RBPJ: variants seen among roughly 807,000 people sequenced by gnomAD.
RBPJ encodes recombining binding protein suppressor of hairless.
In RBPJ, 9 loss-of-function variants were observed where a neutral mutation model predicts 67.8. The ratio of observed to expected loss-of-function variants is 0.13; its 90% CI spans 0.08 to 0.23. The LOEUF (loss-of-function observed/expected upper bound fraction) is 0.23. RBPJ is among the 10% of genes least tolerant of loss of function. The probability of loss-of-function intolerance (pLI) is 1.00; values close to 1 mark genes in which losing one functional copy is unlikely to be tolerated. For missense variants in RBPJ, 305 were observed against 595.6 expected, an observed-to-expected ratio of 0.51 and a Z score of 5.08; for synonymous variants, 198 against 203.3, an observed-to-expected ratio of 0.97 and a Z score of 0.22.
chr4:26,379,108 T>A (rs947333170), intron 1 of RBPJ, among the ~76,000 whole-genome samples: 8 of 152,170 alleles, frequency 5.3e-5, no homozygotes, highest in Admixed American at 2.6e-4. Flanking sequence ...GAGAAGGAAG[T>A]ACATTTCTTC....
the RBPJ span, among the ~76,000 whole-genome samples, chr4:26,128,017 T>C: frequency 6.6e-6 from 1 of 152,232 alleles, no homozygotes; most frequent in African/African-American, 2.4e-5. Flanking sequence ...GTTTGACTTG[T>C]GTGCTCTGCC....
At chr4:26,326,686 G>A (rs1358792864) in intron 1 of RBPJ, among the ~76,000 whole-genome samples, 1 of 149,614 alleles carries the variant, frequency 6.7e-6, no homozygotes, top group African/African-American at 2.4e-5. Flanking sequence ...TGTCAAATAA[G>A]GTAAATTTTG....
intron 1 of RBPJ, among the ~76,000 whole-genome samples, chr4:26,191,964 A>G (rs1479889669): frequency 1.3e-5 from 2 of 151,956 alleles, no homozygotes; most frequent in Non-Finnish European, 1.5e-5. Flanking sequence ...AAACTCTTCC[A>G]CAAACCACTA....
chr4:26,182,158 C>T (rs1007533988), intron 1 of RBPJ, among the ~76,000 whole-genome samples: 2 of 152,096 alleles, frequency 1.3e-5, no homozygotes, highest in African/African-American at 2.4e-5. Context: ...CTGGTTAACA[C>T]GGTGAAACCC....
intron 1 of RBPJ, among the ~76,000 whole-genome samples, chr4:26,314,535 C>T (rs1018165903): frequency 2.0e-5 from 3 of 152,142 alleles, no homozygotes; most frequent in Middle Eastern, 3.4e-3. Context: ...CTTCTTGGTG[C>T]TGTTCTTGTG....
In RBPJ at chr4:26,253,075, A is replaced by G. The variant is rs181908678; in HGVS notation, c.-167+89461A>G. Among the ~76,000 whole-genome samples, 18 of 152,344 alleles carry G rather than the reference A, an allele frequency of 1.2e-4. No individual in the cohort carries two copies. The East Asian group carries it at 3.5e-3, about 29-fold the overall frequency. ...AATGACAGCCACTGATATTACAGGG[A>G]CATTTGAGCTGTAGGTTTTTGGCAT... On this transcript the variant is annotated intron_variant, in intron 1 of 4. Transcript: ENST00000512351.
At position 26,380,378 on chromosome 4, in the gene RBPJ, A is replaced by G. The variant is rs908561368; in HGVS notation, c.21-5975A>G. 3.9e-5 allele frequency among the ~76,000 whole-genome samples: 6 copies of G among 152,290 alleles called. No individual in the cohort carries two copies. In the East Asian group the frequency reaches 7.7e-4, roughly 20 times the overall value. On this transcript the variant is annotated intron_variant, in intron 1 of 10. Coordinates refer to ENST00000355476, the MANE Select transcript of RBPJ (RefSeq NM_015874.6). ...GTTCATTGATGTATACCAGCTACCT[A>G]TAATTGTCCCCCTACTAGAGGTGCT... is the stretch of plus-strand genomic sequence containing the variant.
intron 1 of RBPJ, among the ~76,000 whole-genome samples, chr4:26,258,331 AT>A (rs1720413220): frequency 6.6e-6 from 1 of 151,952 alleles, no homozygotes; most frequent in Non-Finnish European, 1.5e-5. Context: ...TCACCTCTGT[AT>A]TTTCCACTAT....
chr4:26,345,343 C>T (rs947021870), intron 1 of RBPJ, among the ~76,000 whole-genome samples: 1 of 152,146 alleles, frequency 6.6e-6, no homozygotes, highest in Non-Finnish European at 1.5e-5. Context: ...AATTTATTTT[C>T]CTCTCTTGGG....
chr4:26,419,700 A>G (rs1396321111), intron 4 of RBPJ, among the ~76,000 whole-genome samples: 3 of 152,202 alleles, frequency 2.0e-5, no homozygotes, highest in Non-Finnish European at 4.4e-5. Context: ...GAAAAGGACA[A>G]TAATTTAGAC....
chr4:26,130,763 C>T, the RBPJ span, among the ~76,000 whole-genome samples: 1 of 152,202 alleles, frequency 6.6e-6, no homozygotes, highest in Non-Finnish European at 1.5e-5. Context: ...CTTTTTATCT[C>T]ATCACCTGAA....
intron 1 of RBPJ, among the ~76,000 whole-genome samples, chr4:26,343,785 T>C (rs1302890293): frequency 6.9e-6 from 1 of 145,004 alleles, no homozygotes; most frequent in Admixed American, 6.9e-5. Context: ...AGGTTTGCTC[T>C]TCTTGCCCAG....
chr4:26,387,265 G>C (rs142696669), intron 2 of RBPJ, among the ~76,000 whole-genome samples: 1 of 152,052 alleles, frequency 6.6e-6, no homozygotes, highest in Non-Finnish European at 1.5e-5. Context: ...ACCTACAGAA[G>C]GATACAAAGG....
In RBPJ at chr4:26,424,759, T is replaced by C. The variant is rs747135507; in HGVS notation, c.747+16T>C. Reference sequence around the variant, plus strand: ...CCCAAGATTGGTATGGCTCTACTTTTGCTTTAGTGATAATGTGAAGTAAAA... The same window carrying C: ...CCCAAGATTGGTATGGCTCTACTTTCGCTTTAGTGATAATGTGAAGTAAAA... On this transcript the variant is annotated intron_variant, in intron 7 of 10. Transcript: ENST00000355476. The surrounding 1 kb of genome is among the most constrained non-coding windows in gnomAD (Gnocchi z 5.3). The C allele has an allele frequency of 1.4e-6, 2 of 1,439,160 alleles. No individual in the cohort carries two copies. The highest frequency in any genetic ancestry group is 1.9e-6 in the Non-Finnish European group (2 of 1,033,512). The allele number at this position is 1,439,160 out of a possible 1,614,324, so 89.1% of individuals were successfully genotyped here. A position where few individuals can be genotyped will look rare whatever the true frequency, so the allele number is the denominator to read the frequency against.
At chr4:26,363,240 A>G (rs1728259977) in intron 1 of RBPJ, among the ~76,000 whole-genome samples, 5 of 151,924 alleles carry the variant, frequency 3.3e-5, no homozygotes, top group Admixed American at 2.6e-4. Context: ...CCTGGGTTCA[A>G]CCAATTCTTC....
At position 26,424,859 on chromosome 4, in the gene RBPJ, A is replaced by C. The variant is rs1735480806; in HGVS notation, c.747+116A>C. Reference sequence around the variant, plus strand: ...CTCAGTTTTATGCTTTTTAATTTTAAAAGGTATGTTAGTAATCAGTGCTGT... The same window carrying C: ...CTCAGTTTTATGCTTTTTAATTTTACAAGGTATGTTAGTAATCAGTGCTGT... On this transcript the variant is annotated intron_variant, in intron 7 of 10. Coordinates refer to ENST00000355476, the MANE Select transcript of RBPJ (RefSeq NM_015874.6). This position sits in a 1 kb window ranked among gnomAD's most constrained non-coding sequence, Gnocchi z 5.3. 1.6e-6 allele frequency: 1 copy of C among 644,808 alleles called. No homozygotes were observed. 39.9% of individuals were successfully genotyped at this position (644,808 alleles called of 1,614,324 possible).
chr4:26,257,200 C>A (rs1720368851), intron 1 of RBPJ, among the ~76,000 whole-genome samples: 1 of 152,204 alleles, frequency 6.6e-6, no homozygotes, highest in African/African-American at 2.4e-5. Context: ...GTAATAATAA[C>A]AATCATGATT....
the RBPJ span, among the ~76,000 whole-genome samples, chr4:26,121,873 C>CTTTTTTTTTT: frequency 1.1e-5 from 1 of 94,108 alleles, no homozygotes; most frequent in Non-Finnish European, 2.0e-5. Context: ...GAGTATCTCT[C>CTTTTTTTTTT]TTTTTTTTTT....
At chr4:26,127,506 A>T in the RBPJ span, among the ~76,000 whole-genome samples, 1 of 152,196 alleles carries the variant, frequency 6.6e-6, no homozygotes, top group East Asian at 1.9e-4. Context: ...GGTAGGCATC[A>T]GGCATGATGG....
Sources: allele counts gnomAD v4.1 joint callset (sites outside exome capture counted in the v4.1 genomes callset), GRCh38; gene constraint gnomAD v4.1.1; non-coding constraint Gnocchi (gnomAD v3.1); transcripts MANE v1.5; gene names NCBI Gene and HGNC (gene_info 2026-07-23, HGNC 2026-07-21).